The following MAP3K14 variants were observed in gnomAD, a reference collection of about 807,000 sequenced individuals.
MAP3K14 encodes the protein mitogen-activated protein kinase kinase kinase 14, also known as NF-kappa-beta-inducing kinase.
In MAP3K14, 16 loss-of-function variants were observed where a neutral mutation model predicts 99.2. The ratio of observed to expected loss-of-function variants is 0.16; its 90% CI spans 0.11 to 0.24. The LOEUF (loss-of-function observed/expected upper bound fraction) is 0.24. Among genes scored for constraint, MAP3K14 ranks in the 10% least tolerant of loss-of-function variants. The pLI is 1.00. For synonymous variants in MAP3K14, 462 were observed against 492.4 expected (o/e 0.94, Z 0.82); for missense variants, 784 against 1,208.7 (o/e 0.65, Z 5.21).
chr17:45,309,927 T>A (rs1164356231), intron 1 of MAP3K14, among the ~76,000 whole-genome samples: 2 of 152,126 alleles, frequency 1.3e-5, no homozygotes, highest in African/African-American at 4.8e-5. Flanking sequence ...TACAAAGCTA[T>A]TCCTGCCTCT....
intron 1 of MAP3K14, among the ~76,000 whole-genome samples, chr17:45,293,363 A>G (rs1427621743): frequency 6.6e-6 from 1 of 152,186 alleles, no homozygotes; most frequent in Admixed American, 6.5e-5. Context: ...ACTCCTCCAG[A>G]GGGGGTGCAG....
At chr17:45,283,356 G>T (rs1188066288) in intron 6 of MAP3K14, among the ~76,000 whole-genome samples, 3 of 152,230 alleles carry the variant, frequency 2.0e-5, no homozygotes, top group Admixed American at 6.5e-5. Context: ...CAAGAACTCG[G>T]CAAGAACTCA....
rs955204029 is a variant in MAP3K14, at chr17:45,267,758, C to T, written c.1974G>A (p.Val658=). ...CCCTCCAAGGGCTCTTCAGACCTCC[C>T]ACTAGAAAACAGAGAGTACAATGGT... ...GGKVNRALQQ[V]GGLKSPWRGE... Residue 658 remains valine, a splice_region_variant and synonymous_variant, in exon 12 of 16, where the codon GTG becomes GTA. Transcript: ENST00000344686. The surrounding 1 kb of genome is among the most constrained non-coding windows in gnomAD (Gnocchi z 5.1). 1.1e-5 allele frequency: 18 copies of T among 1,605,922 alleles called. No homozygotes were observed. Among genetic ancestry groups the T allele is most frequent in the Non-Finnish European group, 1.4e-5 (17 of 1,178,564 alleles).
Position 45,286,928 on chromosome 17 carries a change from G to A in MAP3K14, c.655C>T (p.Pro219Ser). 6.2e-7 allele frequency: 1 copy of A among 1,614,072 alleles called. No homozygotes were observed. The change falls in exon 5 of 16, where the codon CCG (proline) becomes TCG (serine). Residue 219 changes from proline (P) to serine (S), a missense_variant. Transcript: ENST00000344686. The surrounding 1 kb of genome is among the most constrained non-coding windows in gnomAD (Gnocchi z 4.1). ...TGGAGTTCTGATCGAGGCAGAGCCGGCCGTAGGCCCTCGCCAAGCTGCTTA... is the reference window on the plus strand; with the variant it reads ...TGGAGTTCTGATCGAGGCAGAGCCGACCGTAGGCCCTCGCCAAGCTGCTTA... ...CFKQLGEGLR[P>S]ALPRSELHKL...
chr17:45,300,326 C>A (rs979816790), intron 1 of MAP3K14, among the ~76,000 whole-genome samples: 1 of 152,110 alleles, frequency 6.6e-6, no homozygotes. Context: ...TCTCTGACCT[C>A]CCACCCTGGC....
At position 45,264,747 on chromosome 17, in the gene MAP3K14, G is replaced by A. The variant is rs751860406; in HGVS notation, c.2733C>T (p.Tyr911=). The change falls in exon 16 of 16, where the codon TAC becomes TAT. Residue 911 remains tyrosine (Y), a synonymous_variant. Transcript: ENST00000344686. ...TGCCCGAGTCTGGCACCTCCATGTCGTAGCGAACAGGCTGCCCGTCTTTGG... is the reference window on the plus strand; with the variant it reads ...TGCCCGAGTCTGGCACCTCCATGTCATAGCGAACAGGCTGCCCGTCTTTGG... ...LVTKDGQPVR[Y]DMEVPDSGID... is the part of the protein sequence containing the mutation. 2.4e-5 allele frequency: 39 copies of A among 1,613,192 alleles called. No individual in the cohort carries two copies. Among genetic ancestry groups the A allele is most frequent in the South Asian group, 3.3e-5 (3 of 90,890 alleles).
chr17:45,265,216 G>A lies in MAP3K14; in HGVS notation c.2626C>T (p.Arg876Trp). Residue 876 changes from arginine (R) to tryptophan (W), a missense_variant, in exon 15 of 16, where the codon CGG (arginine) becomes TGG (tryptophan). Coordinates refer to ENST00000344686, the MANE Select transcript of MAP3K14 (RefSeq NM_003954.5). ...QSLNGEHLHI[R>W]EFHRVKVGDI... ...CCCACTTTGACCCGGTGGAACTCCC[G>A]GATGTGCAGGTGTTCACCATTAAGA... The A allele has an allele frequency of 2.5e-6, 4 of 1,613,888 alleles. No individual in the cohort carries two copies. The highest frequency in any genetic ancestry group is 2.2e-5 in the East Asian group (1 of 44,882).
rs763857120 is a variant in MAP3K14, at chr17:45,287,058, A to G, written c.538-13T>C. On this transcript the variant is annotated splice_polypyrimidine_tract_variant and intron_variant, in intron 4 of 15. Transcript: ENST00000344686. The stretch of plus-strand genomic sequence containing the variant: ...GAGACTCATCCTCCTGCGGGGGGAA[A>G]CACAGCTATCAGCACAGAGGGCCAG... 5.6e-6 allele frequency: 9 copies of G among 1,609,044 alleles called. No homozygotes were observed. Among genetic ancestry groups the G allele is most frequent in the Admixed American group, 3.3e-5 (2 of 59,768 alleles).
chr17:45,264,891 C>G, intron 15 of MAP3K14, 91 bp from the exon 16 acceptor site: 1 of 1,381,062 alleles, frequency 7.2e-7, no homozygotes, highest in Non-Finnish European at 9.9e-7. Flanking sequence ...GCCAGACCGG[C>G]AGCCCTAAGG....
intron 10 of MAP3K14, chr17:45,270,786 TC>T: frequency 1.3e-6 from 1 of 767,576 alleles, no homozygotes; most frequent in African/African-American, 1.8e-5. Context: ...GCCCACAGCC[TC>T]CAGGCCCGGC....
chr17:45,276,517 C>CT (rs72228695), intron 6 of MAP3K14, among the ~76,000 whole-genome samples: 122 of 147,038 alleles, frequency 8.3e-4, no homozygotes, highest in African/African-American at 1.6e-3. Context: ...TGACTTAGAC[C>CT]TTTTTTTTTT....
chr17:45,268,954 C>A (rs2044120594), intron 11 of MAP3K14, among the ~76,000 whole-genome samples: 1 of 152,150 alleles, frequency 6.6e-6, no homozygotes, highest in Non-Finnish European at 1.5e-5. Flanking sequence ...GGGGTCCCAA[C>A]AGCCCTACAT....
chr17:45,265,012 A>G lies in MAP3K14; in HGVS notation c.2679+151T>C, dbSNP rs961137788. On this transcript the variant is annotated intron_variant, in intron 15 of 15. Transcript: ENST00000344686. ...CAGCCTTGCTTTGAGGCCCTGGGAA[A>G]TGCTTTGAGGTCCTGGGGGACGTTG... 6.3e-6 allele frequency: 5 copies of G among 796,476 alleles called. No individual in the cohort carries two copies. The African/African-American group carries it at 8.6e-5, about 14-fold the overall frequency. 49.3% of individuals were successfully genotyped at this position (796,476 alleles called of 1,614,324 possible). A position where few individuals can be genotyped will look rare whatever the true frequency, so the allele number is the denominator to read the frequency against.
At chr17:45,279,151 C>T (rs764410878) in intron 6 of MAP3K14, among the ~76,000 whole-genome samples, 21 of 152,128 alleles carry the variant, frequency 1.4e-4, no homozygotes, top group African/African-American at 4.1e-4. Context: ...TTTTTTGAAA[C>T]GGAGTTTCGC....
rs1356632359 is a variant in MAP3K14, at chr17:45,267,497, C to T, written c.2235G>A (p.Leu745=). The T allele has an allele frequency of 7.4e-6, 12 of 1,612,524 alleles. No individual in the cohort carries two copies. The highest frequency in any genetic ancestry group is 8.5e-6 in the Non-Finnish European group (10 of 1,179,304). Residue 745 remains leucine (L), a synonymous_variant, in exon 12 of 16, where the codon CTG becomes CTA. Coordinates refer to ENST00000344686, the MANE Select transcript of MAP3K14 (RefSeq NM_003954.5). The surrounding 1 kb of genome is among the most constrained non-coding windows in gnomAD (Gnocchi z 5.1). ...TGGCAGGGGCTGGCTCCAGGGAGGACAGAGGTAAGGGTTCCCACATCCCAG... is the reference window on the plus strand; with the variant it reads ...TGGCAGGGGCTGGCTCCAGGGAGGATAGAGGTAAGGGTTCCCACATCCCAG... The part of the protein sequence containing the change: ...EESGMWEPLP[L]SSLEPAPARN...
At position 45,267,066 on chromosome 17, in the gene MAP3K14, T is replaced by A. The variant is rs753320280; in HGVS notation, c.2433+26A>T. 2.6e-6 allele frequency: 4 copies of A among 1,526,982 alleles called. No homozygotes were observed. Among genetic ancestry groups the A allele is most frequent in the Non-Finnish European group, 3.6e-6 (4 of 1,122,792 alleles). The allele number at this position is 1,526,982 out of a possible 1,614,324, so 94.6% of individuals were successfully genotyped here. On this transcript the variant is annotated intron_variant, in intron 13 of 15. Coordinates refer to ENST00000344686, the MANE Select transcript of MAP3K14 (RefSeq NM_003954.5). The surrounding 1 kb of genome is among the most constrained non-coding windows in gnomAD (Gnocchi z 5.1). ...CGGGAAAACCACACCCCTGGAGCCATGGCTCCGGGGCCACAACCGACTCAC... is the reference window on the plus strand; with the variant it reads ...CGGGAAAACCACACCCCTGGAGCCAAGGCTCCGGGGCCACAACCGACTCAC...
intron 1 of MAP3K14, among the ~76,000 whole-genome samples, chr17:45,306,924 A>G (rs1172600419): frequency 6.6e-6 from 1 of 152,214 alleles, no homozygotes; most frequent in African/African-American, 2.4e-5. Flanking sequence ...ACTTAATTTT[A>G]TACAATAAGC....
chr17:45,278,632 C>G (rs1020506336), intron 6 of MAP3K14, among the ~76,000 whole-genome samples: 3 of 152,012 alleles, frequency 2.0e-5, no homozygotes, highest in Non-Finnish European at 4.4e-5. Context: ...AAGCCTGACT[C>G]CAGAGCTGCC....
intron 3 of MAP3K14, among the ~76,000 whole-genome samples, 173 bp downstream of exon 3, chr17:45,289,063 A>G (rs1169056614): frequency 1.3e-5 from 2 of 152,196 alleles, no homozygotes; most frequent in Non-Finnish European, 2.9e-5. Flanking sequence ...TGAAAAGCTT[A>G]TTTGGCTGAG....
Sources: allele counts gnomAD v4.1 joint callset (sites outside exome capture counted in the v4.1 genomes callset), GRCh38; gene constraint gnomAD v4.1.1; non-coding constraint Gnocchi (gnomAD v3.1); transcripts MANE v1.5; gene names NCBI Gene and HGNC (gene_info 2026-07-23, HGNC 2026-07-21).